Variants in PIWIL2 observed in about 807,000 individuals in gnomAD.
The protein encoded by PIWIL2 is piwi-like protein 2.
Under a neutral mutation model 116.5 loss-of-function variants are expected in PIWIL2, and 81 were observed. The observed-to-expected ratio is 0.70, with a 90% CI of 0.58 to 0.84. The LOEUF is 0.84. PIWIL2 is among the 40% of genes least tolerant of loss of function. The pLI, the probability that PIWIL2 is intolerant of heterozygous loss-of-function variation, is 0.00. For missense variants in PIWIL2, 1,272 were observed against 1,212.3 expected, an observed-to-expected ratio of 1.05 and a Z score of -0.73; for synonymous variants, 489 against 429.5, an observed-to-expected ratio of 1.14 and a Z score of -1.71.
chr8:22,289,360 C>G (rs544441871), intron 8 of PIWIL2, among the ~76,000 whole-genome samples: 56 of 152,190 alleles, frequency 3.7e-4, no homozygotes, highest in South Asian at 2.3e-3. Context: ...ATCTTGTTGG[C>G]CAGGATGGTC....
At chr8:22,333,136 C>T (rs998379759) in intron 20 of PIWIL2, among the ~76,000 whole-genome samples, 12 of 152,028 alleles carry the variant, frequency 7.9e-5, no homozygotes, top group Admixed American at 7.2e-4. Flanking sequence ...ATGTTGTACT[C>T]TCTAGGGTAA....
At chr8:22,301,590 G>A (rs984308101) in intron 10 of PIWIL2, among the ~76,000 whole-genome samples, 7 of 152,104 alleles carry the variant, frequency 4.6e-5, no homozygotes, top group African/African-American at 7.2e-5. Flanking sequence ...CACCATGCCC[G>A]GCCCAGTGGT....
intron 16 of PIWIL2, 44 bp from the exon 17 acceptor site, chr8:22,314,284 A>C: frequency 9.2e-7 from 1 of 1,088,686 alleles, no homozygotes; most frequent in Non-Finnish European, 1.3e-6. Context: ...AAAAGTCCCC[A>C]GAGAATTCCA....
intron 20 of PIWIL2, among the ~76,000 whole-genome samples, chr8:22,348,170 G>A (rs994311477): frequency 1.3e-5 from 2 of 151,432 alleles, no homozygotes; most frequent in African/African-American, 4.8e-5. Flanking sequence ...GCATGATGGC[G>A]GGTGTCTGTA....
intron 10 of PIWIL2, among the ~76,000 whole-genome samples, chr8:22,292,534 A>G (rs79511488): frequency 0.018 from 2,672 of 152,356 alleles, 71 homozygotes; most frequent in African/African-American, 0.061. Flanking sequence ...TGTATCTCCT[A>G]GACTGTCAGC....
chr8:22,311,411 G>C (rs1272735974), intron 16 of PIWIL2, 111 bp downstream of exon 16: 7 of 841,888 alleles, frequency 8.3e-6, no homozygotes, highest in African/African-American at 1.7e-5. Context: ...CCTAGAACTT[G>C]TCTTACCCAT....
At chr8:22,276,861 C>A (rs1029097150) in intron 1 of PIWIL2, among the ~76,000 whole-genome samples, 6 of 151,710 alleles carry the variant, frequency 4.0e-5, no homozygotes, top group Admixed American at 3.3e-4. Flanking sequence ...TAAGATGCCA[C>A]CACTTCACTG....
intron 10 of PIWIL2, among the ~76,000 whole-genome samples, chr8:22,293,696 T>C (rs2132007872): frequency 6.6e-6 from 1 of 152,366 alleles, no homozygotes; most frequent in Admixed American, 6.5e-5. Flanking sequence ...GTCTCTGTAC[T>C]ATTATACAAT....
In PIWIL2 at chr8:22,318,248, C is replaced by G. The variant is rs1353020517; in HGVS notation, c.2376C>G (p.Leu792=). The part of the protein sequence containing the change: ...QEIVDSLKLC[L]VGSLKKFYEV... ...TTGTGGACAGCCTGAAGCTATGCCT[C>G]GTGGGCTCCTTAAAAAAGTTTTATG... Residue 792 remains leucine, a synonymous_variant, in exon 20 of 23, where the codon CTC becomes CTG. Transcript: ENST00000356766. 1 of 1,609,498 alleles carries G rather than the reference C, an allele frequency of 6.2e-7. No individual in the cohort carries two copies. Among genetic ancestry groups the G allele is most frequent in the African/African-American group, 1.3e-5 (1 of 74,748 alleles).
In PIWIL2 at chr8:22,315,127, G is replaced by A. The variant is rs1384022266; in HGVS notation, c.2190G>A (p.Trp730Ter). The change falls in exon 18 of 23, where the codon TGG becomes TGA. Residue 730 changes from tryptophan to a stop codon, truncating the protein, a stop_gained. Coordinates refer to ENST00000356766, the MANE Select transcript of PIWIL2 (RefSeq NM_018068.5). LOFTEE classifies it high-confidence loss of function. ...ACTGTAAATTGGGTGGTGAGCTCTG[G>A]GGAGTGGATATTCCTCTGGTGAGTG... Reference protein sequence around the residue: ...QINCKLGGELWGVDIPLKQLM... With the variant: ...QINCKLGGEL 2 of 1,587,650 alleles carry A rather than the reference G, an allele frequency of 1.3e-6. No homozygotes were observed. Among genetic ancestry groups the A allele is most frequent in the East Asian group, 2.2e-5 (1 of 44,738 alleles).
At chr8:22,282,244 CTTTTTTTTTTTTTT>C (rs34130038) in intron 4 of PIWIL2, among the ~76,000 whole-genome samples, 31 of 33,612 alleles carry the variant, frequency 9.2e-4, no homozygotes, top group African/African-American at 3.1e-3. Context: ...CCACACCCGG[CTTTTTTTTTTTTTT>C]TTTTTTTTTT....
rs1486310363 is a variant in PIWIL2, at chr8:22,318,203, C to G, written c.2331C>G (p.Phe777Leu). Reference protein sequence around the residue: ...TLTKWYSRVVFQMPHQEIVDS... With the variant: ...TLTKWYSRVVLQMPHQEIVDS... ...CAAAATGGTATTCCCGGGTGGTGTT[C>G]CAGATGCCGCATCAGGAGATTGTGG... The change falls in exon 20 of 23, where the codon TTC becomes TTG. Residue 777 changes from phenylalanine (F) to leucine (L), a missense_variant. Physicochemically the swap from Phe to Leu is conservative, Grantham distance 22. Coordinates refer to ENST00000356766, the MANE Select transcript of PIWIL2 (RefSeq NM_018068.5). 2 of 1,613,564 alleles carry G rather than the reference C, an allele frequency of 1.2e-6. No homozygotes were observed. Among genetic ancestry groups the G allele is most frequent in the African/African-American group, 1.3e-5 (1 of 75,014 alleles).
At chr8:22,348,158 G>A (rs1016659882) in intron 20 of PIWIL2, among the ~76,000 whole-genome samples, 2 of 151,894 alleles carry the variant, frequency 1.3e-5, no homozygotes, top group African/African-American at 2.4e-5. Context: ...AAAATTAGCC[G>A]GGCATGATGG....
chr8:22,331,932 T>C (rs1411508837), intron 20 of PIWIL2, among the ~76,000 whole-genome samples: 3 of 152,098 alleles, frequency 2.0e-5, no homozygotes, highest in South Asian at 2.1e-4. Context: ...CTTCAACATA[T>C]GAATGTTGCG....
In PIWIL2 at chr8:22,281,398, G is replaced by A; in HGVS notation, c.308G>A (p.Gly103Asp). ...TCAGGTAGAGGCATTTTAGGTCGAG[G>A]CTTGTCTGCTAATCTGGTACGCAAG... ...LPSGRGILGR[G>D]LSANLVRKDR... Residue 103 changes from glycine to aspartate, a missense_variant, in exon 4 of 23, where the codon GGC (glycine) becomes GAC (aspartate). Coordinates refer to ENST00000356766, the MANE Select transcript of PIWIL2 (RefSeq NM_018068.5). 6.2e-7 allele frequency: 1 copy of A among 1,609,390 alleles called. No homozygotes were observed. The highest frequency in any genetic ancestry group is 8.5e-7 in the Non-Finnish European group (1 of 1,179,028).
In PIWIL2 at chr8:22,354,389, C is replaced by T. The variant is rs1451128663; in HGVS notation, c.2765+11C>T. Reference sequence around the variant, plus strand: ...TGATCATATGCAGAGGTGGGCCCATCAGTAACTTACTCTTTCTCTTTCTTA... The same window carrying T: ...TGATCATATGCAGAGGTGGGCCCATTAGTAACTTACTCTTTCTCTTTCTTA... On this transcript the variant is annotated intron_variant, in intron 22 of 22. Coordinates refer to ENST00000356766, the MANE Select transcript of PIWIL2 (RefSeq NM_018068.5). 1 of 1,516,088 alleles carries T rather than the reference C, an allele frequency of 6.6e-7. No homozygotes were observed. The highest frequency in any genetic ancestry group is 1.4e-5 in the African/African-American group (1 of 73,060). 93.9% of individuals were successfully genotyped at this position (1,516,088 alleles called of 1,614,324 possible). A position where few individuals can be genotyped will look rare whatever the true frequency, so the allele number is the denominator to read the frequency against.
intron 10 of PIWIL2, among the ~76,000 whole-genome samples, chr8:22,302,758 T>TCTC (rs953947709): frequency 5.3e-5 from 8 of 152,152 alleles, no homozygotes; most frequent in Admixed American, 4.6e-4. Context: ...TAAATGTAGT[T>TCTC]CTCCCATCTT....
chr8:22,297,643 T>C (rs1830941418), intron 10 of PIWIL2, among the ~76,000 whole-genome samples: 1 of 152,000 alleles, frequency 6.6e-6, no homozygotes, highest in Non-Finnish European at 1.5e-5. Flanking sequence ...GGATTTACAG[T>C]ATGGGAGAGA....
Position 22,355,716 on chromosome 8 carries a change from T to G in PIWIL2, c.*211T>G, listed in dbSNP as rs1194680891. 3.5e-6 allele frequency: 2 copies of G among 564,086 alleles called. No homozygotes were observed. The highest frequency in any genetic ancestry group is 6.0e-5 in the East Asian group (2 of 33,124). 34.9% of individuals were successfully genotyped at this position (564,086 alleles called of 1,614,324 possible). On this transcript the variant is annotated 3_prime_UTR_variant, in exon 23 of 23. Coordinates refer to ENST00000356766, the MANE Select transcript of PIWIL2 (RefSeq NM_018068.5). ...AACAGCTGAAAATGGCCTTGTTGCC[T>G]GTGTAGAGCAAGTTACGGTGGTACT...
Sources: gnomAD v4.1 joint callset for allele counts (sites outside exome capture counted in the v4.1 genomes callset) on GRCh38, gnomAD v4.1.1 for gene constraint, MANE v1.5 for transcripts, NCBI Gene and HGNC (gene_info 2026-07-23, HGNC 2026-07-21) for gene names.